The following GLI3 variants were observed in gnomAD, a reference collection of about 807,000 sequenced individuals.
The protein encoded by GLI3 is transcription activator GLI3.
In GLI3, 20 loss-of-function variants were observed where a neutral mutation model predicts 100.8. The ratio of observed to expected loss-of-function variants is 0.20; its 90% CI spans 0.14 to 0.29. The LOEUF (loss-of-function observed/expected upper bound fraction) is 0.29. Among genes scored for constraint, GLI3 ranks in the 10% least tolerant of loss-of-function variants. The pLI is 1.00. For missense variants in GLI3, 2,040 were observed against 2,128.5 expected (o/e 0.96, Z 0.82); for synonymous variants, 938 against 860.5 (o/e 1.09, Z -1.58).
chr7:42,085,956 G>A (rs1164249979), intron 3 of GLI3, among the ~76,000 whole-genome samples: 1 of 152,114 alleles, frequency 6.6e-6, no homozygotes, highest in African/African-American at 2.4e-5. Flanking sequence ...AAATGAATGA[G>A]GCACATTCAT....
chr7:42,065,664 CCATTTTATG>C (rs1784659479), intron 4 of GLI3, among the ~76,000 whole-genome samples: 1 of 152,104 alleles, frequency 6.6e-6, no homozygotes. Flanking sequence ...ATAAGGCAAT[CCATTTTATG>C]CAAATTATGA....
At chr7:42,031,147 G>T (rs1309465097) in intron 7 of GLI3, among the ~76,000 whole-genome samples, 1 of 152,188 alleles carries the variant, frequency 6.6e-6, no homozygotes, top group East Asian at 1.9e-4. Context: ...TCTTTCCAAT[G>T]AGTCACCAGA....
At chr7:42,029,410 C>T (rs1053092470) in intron 7 of GLI3, among the ~76,000 whole-genome samples, 36 of 152,196 alleles carry the variant, frequency 2.4e-4, no homozygotes, top group Admixed American at 1.7e-3. Flanking sequence ...GCACAGCAAA[C>T]GGATGTCAAG....
intron 3 of GLI3, among the ~76,000 whole-genome samples, chr7:42,090,896 G>A (rs768129237): frequency 1.3e-5 from 2 of 152,194 alleles, no homozygotes; most frequent in Non-Finnish European, 2.9e-5. Context: ...ATGCTATTTT[G>A]CAAATGAGAA....
chr7:42,033,363 T>G (rs1294924832), intron 7 of GLI3, among the ~76,000 whole-genome samples: 1 of 152,210 alleles, frequency 6.6e-6, no homozygotes, highest in Non-Finnish European at 1.5e-5. Flanking sequence ...TAAAAGAAAC[T>G]CATGTGATAG....
chr7:41,977,960 C>G, intron 11 of GLI3: 1 of 560,194 alleles, frequency 1.8e-6, no homozygotes, highest in Non-Finnish European at 3.2e-6. Flanking sequence ...TTTAATAGAC[C>G]GCTCAATGTG....
At chr7:42,237,934 A>G (rs1475969418), upstream of GLI3, 23 of 136,830 alleles carry the variant, frequency 1.7e-4, no homozygotes, top group African/African-American at 5.5e-4. Context: ...GCTGGGGGGG[A>G]GCCCGGGCGC....
At chr7:42,081,716 G>A (rs1459771493) in intron 3 of GLI3, among the ~76,000 whole-genome samples, 1 of 152,046 alleles carries the variant, frequency 6.6e-6, no homozygotes, top group Non-Finnish European at 1.5e-5. Context: ...AAGATCTCTT[G>A]GATGCCATCC....
At chr7:42,058,871 A>C (rs1366758041) in intron 4 of GLI3, among the ~76,000 whole-genome samples, 1 of 152,264 alleles carries the variant, frequency 6.6e-6, no homozygotes, top group Non-Finnish European at 1.5e-5. Context: ...TGTACTGTAA[A>C]TATAACTCAT....
At chr7:42,049,503 G>T (rs1784310901) in intron 4 of GLI3, among the ~76,000 whole-genome samples, 1 of 152,194 alleles carries the variant, frequency 6.6e-6, no homozygotes, top group Non-Finnish European at 1.5e-5. Context: ...TTAGAAAGTT[G>T]GGGAAGAATG....
chr7:42,224,179 G>C (rs1056191868), intron 1 of GLI3, among the ~76,000 whole-genome samples: 3 of 152,134 alleles, frequency 2.0e-5, no homozygotes, highest in Non-Finnish European at 2.9e-5. Flanking sequence ...AAGAATACAA[G>C]AAAAGAGGAA....
intron 4 of GLI3, among the ~76,000 whole-genome samples, chr7:42,075,900 C>T (rs1458243090): frequency 2.6e-5 from 4 of 152,294 alleles, no homozygotes; most frequent in African/African-American, 4.8e-5. Flanking sequence ...CTAATAGCCA[C>T]GGAGATGCAA....
At chr7:42,103,455 T>C (rs527790415) in intron 3 of GLI3, among the ~76,000 whole-genome samples, 129 of 110,568 alleles carry the variant, frequency 1.2e-3, no homozygotes, top group South Asian at 4.4e-3. Flanking sequence ...AAAGATCAAA[T>C]GTATCTTATT....
Position 42,045,506 on chromosome 7 carries a change from G to A in GLI3, c.704C>T (p.Ala235Val). 6.2e-7 allele frequency: 1 copy of A among 1,614,040 alleles called. No individual in the cohort carries two copies. Among genetic ancestry groups the A allele is most frequent in the Non-Finnish European group, 8.5e-7 (1 of 1,179,942 alleles). ...TDAPHAGVSP[A>V]EYYHQMALLT... is the part of the protein sequence containing the mutation. ...CAGGGCCATCTGATGATAGTATTCT[G>A]CTGGGCTGACTCCTGCATGGGGCGC... The change falls in exon 6 of 15, where the codon GCA becomes GTA. Residue 235 changes from alanine to valine, a missense_variant. By Grantham distance (64) the Ala-to-Val change is moderately conservative. This residue lies in a region of GLI3 where 603 missense variants were observed against 690.9 expected (regional missense o/e 0.87). Coordinates refer to ENST00000395925, the MANE Select transcript of GLI3 (RefSeq NM_000168.6).
intron 2 of GLI3, among the ~76,000 whole-genome samples, chr7:42,192,865 C>A (rs1461177468): frequency 6.6e-6 from 1 of 152,200 alleles, no homozygotes; most frequent in Non-Finnish European, 1.5e-5. Context: ...ACCAAATTAT[C>A]TAGCATCTTG....
intron 3 of GLI3, among the ~76,000 whole-genome samples, chr7:42,100,674 G>A (rs529760851): frequency 7.2e-5 from 11 of 152,138 alleles, no homozygotes; most frequent in Middle Eastern, 3.4e-3. Flanking sequence ...GCCAGGGGGC[G>A]AAGGTTTCAG....
intron 3 of GLI3, among the ~76,000 whole-genome samples, chr7:42,121,773 T>A (rs1283084096): frequency 2.6e-5 from 4 of 152,154 alleles, no homozygotes; most frequent in African/African-American, 9.7e-5. Flanking sequence ...TAGGCACCCA[T>A]TGAATACCAG....
At chr7:42,157,534 C>A (rs532679362) in intron 2 of GLI3, among the ~76,000 whole-genome samples, 1 of 151,990 alleles carries the variant, frequency 6.6e-6, no homozygotes, top group East Asian at 1.9e-4. Flanking sequence ...TTTAAGGATT[C>A]GAATTTTTGG....
chr7:42,129,493 A>C (rs1786218123), intron 3 of GLI3, among the ~76,000 whole-genome samples: 1 of 152,256 alleles, frequency 6.6e-6, no homozygotes, highest in African/African-American at 2.4e-5. Flanking sequence ...GCAAAGAAAC[A>C]GGTGGCAGCT....
Sources: gnomAD v4.1 joint callset for allele counts (sites outside exome capture counted in the v4.1 genomes callset) on GRCh38, gnomAD v4.1.1 for gene constraint, gnomAD v4.1.1 regional missense constraint, MANE v1.5 for transcripts, NCBI Gene and HGNC (gene_info 2026-07-23, HGNC 2026-07-21) for gene names.